TWSG1: variants seen among roughly 807,000 people sequenced by gnomAD.
TWSG1 encodes the protein twisted gastrulation protein homolog 1.
Under a neutral mutation model 23.0 loss-of-function variants are expected in TWSG1, and 15 were observed. That is an observed-to-expected ratio of 0.65 (90% CI 0.44 to 1.00). The LOEUF is 1.00. Among genes scored for constraint, TWSG1 ranks in the 50% least tolerant of loss-of-function variants. The probability of loss-of-function intolerance (pLI) is 0.00; values close to 1 mark genes in which losing one functional copy is unlikely to be tolerated. For synonymous variants in TWSG1, 86 were observed against 92.8 expected, an observed-to-expected ratio of 0.93 and a Z score of 0.42; for missense variants, 242 against 278.7, an observed-to-expected ratio of 0.87 and a Z score of 0.94.
intron 3 of TWSG1, among the ~76,000 whole-genome samples, chr18:9,363,355 A>G (rs1315165764): frequency 2.0e-5 from 3 of 151,850 alleles, no homozygotes; most frequent in Non-Finnish European, 4.4e-5. Context: ...TACTTTTCCA[A>G]ATGTGCACAA....
chr18:9,382,522 CAAA>C (rs1279122476), intron 3 of TWSG1, among the ~76,000 whole-genome samples: 1 of 147,338 alleles, frequency 6.8e-6, no homozygotes, highest in Admixed American at 6.8e-5. Context: ...GACTCTGTCT[CAAA>C]AAAAAAGGCT....
chr18:9,336,931 C>T (rs561254287), intron 1 of TWSG1, among the ~76,000 whole-genome samples: 1 of 152,040 alleles, frequency 6.6e-6, no homozygotes, highest in African/African-American at 2.4e-5. Context: ...TTTTGAAGGC[C>T]AGGCATGGTG....
chr18:9,388,669 G>T (rs2145631087), intron 3 of TWSG1, among the ~76,000 whole-genome samples: 1 of 152,336 alleles, frequency 6.6e-6, no homozygotes, highest in South Asian at 2.1e-4. Flanking sequence ...GCACAAAACT[G>T]CCCCCAAATT....
At chr18:9,389,925 TA>T in intron 3 of TWSG1, among the ~76,000 whole-genome samples, 1 of 152,348 alleles carries the variant, frequency 6.6e-6, no homozygotes, top group East Asian at 1.9e-4. Context: ...TCCCAGTGCA[TA>T]TAAAAGTTAT....
At chr18:9,380,931 G>A (rs1333277290) in intron 3 of TWSG1, among the ~76,000 whole-genome samples, 1 of 152,064 alleles carries the variant, frequency 6.6e-6, no homozygotes, top group African/African-American at 2.4e-5. Flanking sequence ...TGTCCTTTTG[G>A]CTTCACTGTG....
In TWSG1 at chr18:9,359,982, A is replaced by C; in HGVS notation, c.134A>C (p.Gln45Pro). The part of the protein sequence containing the change: ...VSKCLIQELC[Q>P]CRPGEGNCSC... ...CTGTCTTGTTTCTAGGAGCTCTGCCAGTGCCGGCCGGGAGAAGGCAATTGC... is the reference window on the plus strand; with the variant it reads ...CTGTCTTGTTTCTAGGAGCTCTGCCCGTGCCGGCCGGGAGAAGGCAATTGC... The change falls in exon 3 of 5, where the codon CAG (glutamine) becomes CCG (proline). Residue 45 changes from glutamine (Q) to proline (P), a missense_variant. Gln to Pro is a moderately conservative substitution (Grantham distance 76). Coordinates refer to ENST00000262120, the MANE Select transcript of TWSG1 (RefSeq NM_020648.6). 1 of 1,612,894 alleles carries C rather than the reference A, an allele frequency of 6.2e-7. No individual in the cohort carries two copies. Among genetic ancestry groups the C allele is most frequent in the Non-Finnish European group, 8.5e-7 (1 of 1,179,176 alleles).
intron 3 of TWSG1, among the ~76,000 whole-genome samples, chr18:9,385,057 G>T (rs936837399): frequency 2.0e-5 from 3 of 152,180 alleles, no homozygotes; most frequent in Admixed American, 6.5e-5. Context: ...CCCCAAAGAG[G>T]CTCCAGTTGC....
intron 2 of TWSG1, among the ~76,000 whole-genome samples, chr18:9,340,788 A>G (rs930528672): frequency 6.6e-6 from 1 of 152,256 alleles, no homozygotes; most frequent in African/African-American, 2.4e-5. Flanking sequence ...TGTGCAATAC[A>G]GTAGAATCTA....
At chr18:9,344,153 G>A (rs1310575398) in intron 2 of TWSG1, among the ~76,000 whole-genome samples, 1 of 152,168 alleles carries the variant, frequency 6.6e-6, no homozygotes, top group Non-Finnish European at 1.5e-5. Context: ...CGATCCTCCT[G>A]CCTTGGCCCC....
At position 9,396,295 on chromosome 18, in the gene TWSG1, G is replaced by A. The variant is rs776994063; in HGVS notation, c.239G>A (p.Arg80Gln). ...CCDCVGMCNP[R>Q]NYSDTPPTSK... ...CCCAACCCAGGTATGTGTAATCCTC[G>A]AAATTATAGTGACACACCTCCAACT... is the stretch of plus-strand genomic sequence containing the variant. Residue 80 changes from arginine to glutamine, a missense_variant, in exon 4 of 5, where the codon CGA becomes CAA. Transcript: ENST00000262120. 1.4e-5 allele frequency: 22 copies of A among 1,613,962 alleles called. No individual in the cohort carries two copies. In the Middle Eastern group the frequency reaches 8.2e-4, roughly 61 times the overall value.
At chr18:9,352,510 T>G (rs1243234104) in intron 2 of TWSG1, among the ~76,000 whole-genome samples, 1 of 152,202 alleles carries the variant, frequency 6.6e-6, no homozygotes, top group Non-Finnish European at 1.5e-5. Context: ...TGCCCAAGTT[T>G]GTAAGGGAAA....
chr18:9,340,604 A>C (rs184136462), intron 2 of TWSG1, among the ~76,000 whole-genome samples: 3 of 152,276 alleles, frequency 2.0e-5, no homozygotes, highest in Admixed American at 2.0e-4. Context: ...CAGTGGCTGG[A>C]AACAGCATTT....
At chr18:9,393,495 T>C (rs2145634573) in intron 3 of TWSG1, among the ~76,000 whole-genome samples, 1 of 152,342 alleles carries the variant, frequency 6.6e-6, no homozygotes, top group Admixed American at 6.5e-5. Context: ...TGAAAAAGTT[T>C]TCTATACTCT....
At chr18:9,387,763 T>C (rs1180338710) in intron 3 of TWSG1, among the ~76,000 whole-genome samples, 1 of 101,920 alleles carries the variant, frequency 9.8e-6, no homozygotes, top group Non-Finnish European at 2.1e-5. Context: ...AGAGTGAAAC[T>C]CTGTCTCAAA....
intron 3 of TWSG1, among the ~76,000 whole-genome samples, chr18:9,384,747 G>A (rs1333091100): frequency 2.6e-5 from 4 of 151,694 alleles, no homozygotes; most frequent in Non-Finnish European, 5.9e-5. Flanking sequence ...CTGGGTTTAA[G>A]CTATTCTCTT....
chr18:9,375,991 T>C (rs2040628738), intron 3 of TWSG1, among the ~76,000 whole-genome samples: 1 of 152,122 alleles, frequency 6.6e-6, no homozygotes, highest in Admixed American at 6.5e-5. Flanking sequence ...CTTGGTTCAC[T>C]GCAACCTCTG....
chr18:9,361,958 G>A (rs1175814294), intron 3 of TWSG1, among the ~76,000 whole-genome samples: 1 of 152,176 alleles, frequency 6.6e-6, no homozygotes, highest in Non-Finnish European at 1.5e-5. Context: ...AGACTGCTCA[G>A]TCAGGTACCT....
chr18:9,339,981 C>T (rs773540216), intron 2 of TWSG1, among the ~76,000 whole-genome samples: 7 of 152,056 alleles, frequency 4.6e-5, no homozygotes, highest in Non-Finnish European at 8.8e-5. Flanking sequence ...TCTGATATTC[C>T]GTTGTAGCTT....
chr18:9,388,097 G>A (rs1401084432), intron 3 of TWSG1: 1 of 152,142 alleles, frequency 6.6e-6, no homozygotes, highest in Non-Finnish European at 1.5e-5. Context: ...TGTATCAGTT[G>A]ACCTATAGAA....
Sources: gnomAD v4.1 joint callset for allele counts (sites outside exome capture counted in the v4.1 genomes callset) on GRCh38, gnomAD v4.1.1 for gene constraint, MANE v1.5 for transcripts, NCBI Gene and HGNC (gene_info 2026-07-23, HGNC 2026-07-21) for gene names.